CYP24A1: variants seen among roughly 807,000 people sequenced by gnomAD.
The protein encoded by CYP24A1 is cytochrome P450 family 24 subfamily A member 1, also known as 1,25-dihydroxyvitamin D(3) 24-hydroxylase, mitochondrial.
A neutral mutation model predicts 62.4 loss-of-function variants in CYP24A1; 68 were observed. The ratio of observed to expected loss-of-function variants is 1.09; its 90% CI spans 0.90 to 1.33. CYP24A1 has a LOEUF of 1.33. Among genes scored for constraint, CYP24A1 ranks in the 40% most tolerant of loss-of-function variants. The pLI is 0.00. For synonymous variants in CYP24A1, 267 were observed against 253.0 expected (o/e 1.06, Z -0.52); for missense variants, 787 against 653.0 (o/e 1.21, Z -2.24).
chr20:54,145,978 CA>C, the CYP24A1 span, among the ~76,000 whole-genome samples: 5 of 152,142 alleles, frequency 3.3e-5, no homozygotes, highest in Non-Finnish European at 7.4e-5. Flanking sequence ...CTGGTATTAG[CA>C]GAAGATAATT....
At chr20:54,148,080 C>A in the CYP24A1 span, among the ~76,000 whole-genome samples, 2 of 152,202 alleles carry the variant, frequency 1.3e-5, no homozygotes, top group African/African-American at 4.8e-5. Context: ...AGGTGATCCA[C>A]CTGCTTTGGC....
chr20:54,169,839 C>T (rs1042441027), intron 3 of CYP24A1, 151 bp from the exon 4 acceptor site: 108 of 1,505,190 alleles, frequency 7.2e-5, no homozygotes, highest in Non-Finnish European at 9.2e-5. Context: ...ATTATATATT[C>T]TCCCTGGGAA....
At chr20:54,157,822 C>T (rs1601125260) in intron 9 of CYP24A1, among the ~76,000 whole-genome samples, 1 of 152,176 alleles carries the variant, frequency 6.6e-6, no homozygotes, top group South Asian at 2.1e-4. Context: ...TTATTAAACC[C>T]CTTTTACAGA....
In CYP24A1 at chr20:54,172,900, T is replaced by A; in HGVS notation, c.449+9A>T. 1 of 1,613,658 alleles carries A rather than the reference T, an allele frequency of 6.2e-7. No individual in the cohort carries two copies. Among genetic ancestry groups the A allele is most frequent in the Middle Eastern group, 1.6e-4 (1 of 6,062 alleles). On this transcript the variant is annotated intron_variant, in intron 2 of 11. Coordinates refer to ENST00000216862, the MANE Select transcript of CYP24A1 (RefSeq NM_000782.5). ...GGCCGCATGCCCAGGTCCCTCGGAT[T>A]GGACTCACAGGATCAGCAGCCCGTA...
chr20:54,166,561 C>T (rs1217911398), intron 4 of CYP24A1, among the ~76,000 whole-genome samples: 1 of 152,166 alleles, frequency 6.6e-6, no homozygotes, highest in Non-Finnish European at 1.5e-5. Flanking sequence ...CAGGTCACTT[C>T]ACCGTTAAAT....
At chr20:54,159,470 C>T (rs756585472) in intron 7 of CYP24A1, among the ~76,000 whole-genome samples, 6 of 150,290 alleles carry the variant, frequency 4.0e-5, no homozygotes, top group Non-Finnish European at 8.8e-5. Context: ...TCTCGGCTCA[C>T]TGCAACCTCC....
intron 11 of CYP24A1, among the ~76,000 whole-genome samples, chr20:54,156,559 G>A (rs908167960): frequency 2.6e-5 from 4 of 152,192 alleles, no homozygotes; most frequent in African/African-American, 9.7e-5. Flanking sequence ...CAAGAGAATA[G>A]ATCCTCCTCT....
chr20:54,156,250 C>T (rs910110374), intron 11 of CYP24A1, among the ~76,000 whole-genome samples: 2 of 151,930 alleles, frequency 1.3e-5, no homozygotes, highest in Admixed American at 1.3e-4. Flanking sequence ...GAATATACTA[C>T]CTTATATGAA....
chr20:54,162,012 C>T (rs1176410331), intron 7 of CYP24A1, among the ~76,000 whole-genome samples: 1 of 152,170 alleles, frequency 6.6e-6, no homozygotes, highest in Non-Finnish European at 1.5e-5. Flanking sequence ...ATTAAACCTA[C>T]CTGAATGCCT....
rs150006710 is a variant in CYP24A1 at position 54,158,975 on chromosome 20, C to T, written c.1139G>A (p.Cys380Tyr). 20 of 1,614,056 alleles carry T rather than the reference C, an allele frequency of 1.2e-5. No individual in the cohort carries two copies. The African/African-American group carries it at 2.1e-4, about 17-fold the overall frequency. ...DLRNMPYLKACLKESMRLTPS... is the reference protein window; with the variant it reads ...DLRNMPYLKAYLKESMRLTPS... ...CTCTTACCTCATAGATTCTTTCAGA[C>T]AGGCTTTTAAATACGGCATATTCCT... Residue 380 changes from cysteine (C) to tyrosine (Y), a missense_variant, in exon 8 of 12, where the codon TGT becomes TAT. Cys to Tyr is a radical substitution (Grantham distance 194). Transcript: ENST00000216862.
chr20:54,156,009 A>G (rs2092626577), intron 11 of CYP24A1, among the ~76,000 whole-genome samples: 1 of 152,188 alleles, frequency 6.6e-6, no homozygotes, highest in African/African-American at 2.4e-5. Context: ...GAACTCCTCT[A>G]TTGTCAGAAA....
At chr20:54,148,093 C>G in the CYP24A1 span, among the ~76,000 whole-genome samples, 2 of 152,156 alleles carry the variant, frequency 1.3e-5, no homozygotes, top group Admixed American at 6.5e-5. Context: ...GCTTTGGCCT[C>G]CCAAATTGCT....
At chr20:54,158,269 A>C in intron 8 of CYP24A1, 105 bp from the exon 9 acceptor site, 1 of 1,563,434 alleles carries the variant, frequency 6.4e-7, no homozygotes, top group South Asian at 1.2e-5. Context: ...CCAAGTGCAT[A>C]CTCAAAGAGG....
chr20:54,172,872 T>G, intron 2 of CYP24A1, 37 bp downstream of exon 2: 1 of 1,612,754 alleles, frequency 6.2e-7, no homozygotes, highest in Non-Finnish European at 8.5e-7. Flanking sequence ...GCTCATCAGG[T>G]CTGGCCGCAT....
chr20:54,153,170 A>C (rs1432062441), downstream of CYP24A1, among the ~76,000 whole-genome samples: 1 of 152,076 alleles, frequency 6.6e-6, no homozygotes, highest in Non-Finnish European at 1.5e-5. Context: ...CCTTTCAATC[A>C]CACAACCAGT....
At chr20:54,151,033 T>C (rs2092611684), downstream of CYP24A1, among the ~76,000 whole-genome samples, 1 of 152,202 alleles carries the variant, frequency 6.6e-6, no homozygotes, top group South Asian at 2.1e-4. Context: ...TAATTTTTTT[T>C]TAAGTGAAAG....
chr20:54,161,974 A>G (rs1379431433), intron 7 of CYP24A1, among the ~76,000 whole-genome samples: 1 of 152,230 alleles, frequency 6.6e-6, no homozygotes, highest in African/African-American at 2.4e-5. Flanking sequence ...CGCCACTCCC[A>G]TCACAGCTCG....
intron 11 of CYP24A1, among the ~76,000 whole-genome samples, chr20:54,156,962 A>G (rs2092630152): frequency 6.6e-6 from 1 of 152,180 alleles, no homozygotes. Context: ...TATTCATATT[A>G]AATTTTTGTG....
rs2296238 is a variant in CYP24A1, at chr20:54,158,779, C to T, written c.1157+178G>A. Among the ~76,000 whole-genome samples, 44,211 of 151,994 alleles carry T rather than the reference C, an allele frequency of 0.29. 7,348 individuals carry two copies. The highest frequency in any genetic ancestry group is 0.61 in the East Asian group (3,142 of 5,182). On this transcript the variant is annotated intron_variant, in intron 8 of 11. Coordinates refer to ENST00000216862, the MANE Select transcript of CYP24A1 (RefSeq NM_000782.5). ...CTTTCCAAGATTTAATAGAATTTGC[C>T]CAAATGATTTAGGAAATGAGTGCCA...
Sources: allele counts gnomAD v4.1 joint callset (sites outside exome capture counted in the v4.1 genomes callset), GRCh38; gene constraint gnomAD v4.1.1; transcripts MANE v1.5; gene names NCBI Gene and HGNC (gene_info 2026-07-23, HGNC 2026-07-21).